The following SIN3A variants were observed in gnomAD, a reference collection of about 807,000 sequenced individuals.
The protein encoded by SIN3A is SIN3 transcription regulator family member A.
SIN3A carries 14 observed loss-of-function variants against 146.1 expected under a neutral mutation model. The ratio of observed to expected loss-of-function variants is 0.10; its 90% confidence interval spans 0.06 to 0.15. The LOEUF (loss-of-function observed/expected upper bound fraction) is 0.15, where lower values mean the gene tolerates loss of function less well. Among genes scored for constraint, SIN3A ranks in the 10% least tolerant of loss-of-function variants. The pLI is 1.00. For synonymous variants in SIN3A, 572 were observed against 572.0 expected, an observed-to-expected ratio of 1.00 and a Z score of 0.00; for missense variants, 1,028 against 1,576.0, an observed-to-expected ratio of 0.65 and a Z score of 5.89.
In SIN3A at chr15:75,392,245, G is replaced by C. The variant is rs1446918869; in HGVS notation, c.2848C>G (p.Pro950Ala). 6.2e-7 allele frequency: 1 copy of C among 1,612,328 alleles called. No homozygotes were observed. The highest frequency in any genetic ancestry group is 8.5e-7 in the Non-Finnish European group (1 of 1,178,662). The change falls in exon 15 of 21, where the codon CCT (proline) becomes GCT (alanine). Residue 950 changes from proline (P) to alanine (A), a missense_variant. Pro to Ala is a conservative substitution (Grantham distance 27). This residue lies in a region of SIN3A where 488 missense variants were observed against 690.2 expected (regional missense o/e 0.71). Coordinates refer to ENST00000394947, the MANE Select transcript of SIN3A (RefSeq NM_001145358.2). ...AATCAGAGGTCTCGGCACTCACTAG[G>C]TTCTTTGAGACGTAGCTGAATGGCA... Reference protein sequence around the residue: ...SPAIQLRLKEPMDVDVEDYYP... With the variant: ...SPAIQLRLKEAMDVDVEDYYP...
At chr15:75,429,688 A>G (rs888968749) in intron 2 of SIN3A, among the ~76,000 whole-genome samples, 1 of 152,232 alleles carries the variant, frequency 6.6e-6, no homozygotes, top group Non-Finnish European at 1.5e-5. Context: ...CCTTTGTAAA[A>G]GCAAAAACCT....
intron 2 of SIN3A, among the ~76,000 whole-genome samples, chr15:75,427,785 C>A (rs1595918521): frequency 6.6e-6 from 1 of 152,038 alleles, no homozygotes. Context: ...GTCTGGCCCA[C>A]ATGGCGAAAC....
chr15:75,396,503 A>AG lies in SIN3A; in HGVS notation c.1855-8dup. ...TCTCTAAAACTACATCAAGCTGAAG[A>AG]GGAAGACAAAGAAGGGTATGCTCAG... On this transcript the variant is annotated splice_polypyrimidine_tract_variant and splice_region_variant and intron_variant, in intron 12 of 20. Transcript: ENST00000394947. 6.3e-7 allele frequency: 1 copy of AG among 1,596,890 alleles called. No homozygotes were observed. The highest frequency in any genetic ancestry group is 1.3e-5 in the African/African-American group (1 of 74,602).
In SIN3A at chr15:75,451,505, G is replaced by A. The variant is rs1029900481; in HGVS notation, c.-116C>T. On this transcript the variant is annotated 5_prime_UTR_variant, in exon 1 of 21. Coordinates refer to ENST00000394947, the MANE Select transcript of SIN3A (RefSeq NM_001145358.2). ...TCAGCAGGGAGGCCCCGAGAACGGC[G>A]CGGGGCACAGGCCCGCCGAAGCGGA... 3.3e-5 allele frequency: 5 copies of A among 150,094 alleles called. No homozygotes were observed. The highest frequency in any genetic ancestry group is 7.4e-5 in the Non-Finnish European group (5 of 67,552). 9.3% of individuals were successfully genotyped at this position (150,094 alleles called of 1,614,324 possible).
chr15:75,440,510 G>GTGTGAGCCACCATGCCCAGCC (rs1390688715), intron 1 of SIN3A, among the ~76,000 whole-genome samples: 2 of 152,080 alleles, frequency 1.3e-5, no homozygotes, highest in South Asian at 4.2e-4. Flanking sequence ...GGGATTACAG[G>GTGTGAGCCACCATGCCCAGCC]TGTGAGCCAC....
chr15:75,378,198 A>C (rs1159629106), intron 19 of SIN3A, among the ~76,000 whole-genome samples: 2 of 152,272 alleles, frequency 1.3e-5, no homozygotes, highest in African/African-American at 4.8e-5. Context: ...GATACAAAAT[A>C]AATCAATGGA....
chr15:75,378,879 A>G (rs1381726331), intron 19 of SIN3A, among the ~76,000 whole-genome samples: 1 of 127,428 alleles, frequency 7.8e-6, no homozygotes, highest in Non-Finnish European at 1.6e-5. Context: ...TTAAGAAAAT[A>G]TAATAGGGAT....
intron 3 of SIN3A, 147 bp from the exon 4 acceptor site, chr15:75,414,458 T>A: frequency 2.5e-6 from 1 of 393,740 alleles, no homozygotes; most frequent in Non-Finnish European, 4.5e-6. Context: ...AAAGTTAGTA[T>A]GGATACCAAT....
At chr15:75,431,461 C>CT (rs1294480294) in intron 1 of SIN3A, among the ~76,000 whole-genome samples, 1 of 152,062 alleles carries the variant, frequency 6.6e-6, no homozygotes, top group Non-Finnish European at 1.5e-5. Context: ...ATCAGTATCA[C>CT]TAACACAAGC....
chr15:75,443,616 G>T (rs2074253805), intron 1 of SIN3A: 1 of 152,252 alleles, frequency 6.6e-6, no homozygotes, highest in Non-Finnish European at 1.5e-5. Flanking sequence ...TACTTGGAGG[G>T]CTGAGGTGAG....
intron 2 of SIN3A, 123 bp downstream of exon 2, chr15:75,430,064 T>G: frequency 2.8e-6 from 2 of 721,714 alleles, no homozygotes; most frequent in Non-Finnish European, 4.6e-6. Context: ...GTTATTTTTT[T>G]TTTTACCTTA....
At position 75,371,920 on chromosome 15, in the gene SIN3A, G is replaced by T; in HGVS notation, c.*59C>A. On this transcript the variant is annotated 3_prime_UTR_variant, in exon 21 of 21. Transcript: ENST00000394947. Reference sequence around the variant, plus strand: ...TTCCTTGTTTCTTCAGTGTGTGAGTGCATAGGCCCACACACACATCCCCAC... The same window carrying T: ...TTCCTTGTTTCTTCAGTGTGTGAGTTCATAGGCCCACACACACATCCCCAC... 3 of 1,444,834 alleles carry T rather than the reference G, an allele frequency of 2.1e-6. No homozygotes were observed. The highest frequency in any genetic ancestry group is 2.9e-6 in the Non-Finnish European group (3 of 1,030,886). The allele number at this position is 1,444,834 out of a possible 1,614,324, so 89.5% of individuals were successfully genotyped here.
At chr15:75,446,024 C>T (rs1202664463) in intron 1 of SIN3A, among the ~76,000 whole-genome samples, 1 of 152,132 alleles carries the variant, frequency 6.6e-6, no homozygotes, top group Admixed American at 6.5e-5. Flanking sequence ...CTAATATCTA[C>T]TGAGCACATA....
chr15:75,412,357 G>T (rs977044043), intron 5 of SIN3A, among the ~76,000 whole-genome samples: 1 of 152,156 alleles, frequency 6.6e-6, no homozygotes, highest in Non-Finnish European at 1.5e-5. Context: ...CTATTCATTA[G>T]ATCTTCTACT....
intron 1 of SIN3A, among the ~76,000 whole-genome samples, chr15:75,441,718 A>T (rs1451983162): frequency 2.0e-5 from 3 of 152,148 alleles, no homozygotes; most frequent in Admixed American, 6.6e-5. Context: ...CTGCCCATCA[A>T]ATGAAATACT....
chr15:75,378,202 C>A (rs1307348404), intron 19 of SIN3A, among the ~76,000 whole-genome samples: 1 of 152,110 alleles, frequency 6.6e-6, no homozygotes, highest in Admixed American at 6.5e-5. Context: ...CAAAATAAAT[C>A]AATGGATTTT....
intron 1 of SIN3A, among the ~76,000 whole-genome samples, chr15:75,449,743 A>C (rs1469715306): frequency 1.3e-5 from 2 of 152,252 alleles, no homozygotes; most frequent in Non-Finnish European, 2.9e-5. Context: ...CTTTTCACCT[A>C]TAGTTACCTA....
upstream of SIN3A, chr15:75,453,700 C>G (rs913729580): frequency 3.3e-5 from 5 of 152,300 alleles, no homozygotes; most frequent in African/African-American, 1.2e-4. Context: ...AGTTCTCGAG[C>G]TTAAGCTCAG....
At chr15:75,373,532 CA>C (rs1363672368) in intron 20 of SIN3A, among the ~76,000 whole-genome samples, 2 of 152,102 alleles carry the variant, frequency 1.3e-5, no homozygotes, top group Admixed American at 6.5e-5. Flanking sequence ...TATGATGAGC[CA>C]CAACCACTTA....
Sources: allele counts gnomAD v4.1 joint callset (sites outside exome capture counted in the v4.1 genomes callset), GRCh38; gene constraint gnomAD v4.1.1; regional missense constraint gnomAD v4.1.1; transcripts MANE v1.5; gene names NCBI Gene and HGNC (gene_info 2026-07-23, HGNC 2026-07-21).